LIPC: variants seen among roughly 807,000 people sequenced by gnomAD.
The protein encoded by LIPC is lipase C, hepatic type.
Under a neutral mutation model 50.7 loss-of-function variants are expected in LIPC, and 44 were observed. That is an observed-to-expected ratio of 0.87 (90% CI 0.68 to 1.11). LIPC has a LOEUF of 1.11. Among genes scored for constraint, LIPC ranks in the 50% most tolerant of loss-of-function variants. The probability of loss-of-function intolerance (pLI) is 0.00; values close to 1 mark genes in which losing one functional copy is unlikely to be tolerated. For missense variants in LIPC, 697 were observed against 648.2 expected (o/e 1.08, Z -0.82); for synonymous variants, 271 against 256.4 (o/e 1.06, Z -0.54).
At position 58,488,154 on chromosome 15, in the gene LIPC, C is replaced by A. The variant is rs902359567; in HGVS notation, c.89-50179C>A. Among the ~76,000 whole-genome samples the A allele has an allele frequency of 3.9e-5, 6 of 152,186 alleles. No homozygotes were observed. The East Asian group carries it at 1.2e-3, about 29-fold the overall frequency. ...GGCATGGTAGCAAACACCTGTAATC[C>A]CAGCTACTCAGGAGGCTGAGGCAGG... On this transcript the variant is annotated intron_variant, in intron 1 of 8. Transcript: ENST00000299022.
intron 6 of LIPC, among the ~76,000 whole-genome samples, chr15:58,557,627 C>T (rs1157605963): frequency 1.3e-5 from 2 of 152,010 alleles, no homozygotes; most frequent in Admixed American, 6.6e-5. Flanking sequence ...CCTCGTGATC[C>T]GCCCCCCTCA....
intron 1 of LIPC, among the ~76,000 whole-genome samples, chr15:58,497,068 T>C (rs1434135065): frequency 5.3e-5 from 8 of 152,232 alleles, no homozygotes; most frequent in African/African-American, 1.9e-4. Flanking sequence ...AACTGGTTCC[T>C]TGGAGGTGTC....
intron 1 of LIPC, among the ~76,000 whole-genome samples, chr15:58,487,083 A>C (rs1891402695): frequency 6.6e-6 from 1 of 152,220 alleles, no homozygotes; most frequent in African/African-American, 2.4e-5. Flanking sequence ...CCTGGTCCCT[A>C]AACTTAAGAA....
At chr15:58,449,608 A>G (rs942461748) in intron 1 of LIPC, among the ~76,000 whole-genome samples, 2 of 151,480 alleles carry the variant, frequency 1.3e-5, no homozygotes, top group African/African-American at 4.9e-5. Flanking sequence ...GCTGTGCAGT[A>G]GCACGATCCT....
At chr15:58,504,267 A>C (rs2140843683) in intron 1 of LIPC, among the ~76,000 whole-genome samples, 1 of 152,298 alleles carries the variant, frequency 6.6e-6, no homozygotes, top group Admixed American at 6.5e-5. Flanking sequence ...GAGCAGAGGA[A>C]AATAAACAGG....
intron 1 of LIPC, among the ~76,000 whole-genome samples, chr15:58,437,600 C>T (rs544549876): frequency 3.0e-4 from 46 of 152,206 alleles, no homozygotes; most frequent in South Asian, 2.9e-3. Flanking sequence ...AGACGACCCC[C>T]GGGAAAGGGA....
At chr15:58,509,227 G>C (rs4775062) in intron 1 of LIPC, among the ~76,000 whole-genome samples, 107,910 of 152,058 alleles carry the variant, frequency 0.71, 38,606 homozygotes, top group Middle Eastern at 0.79. Flanking sequence ...TCACCAGCTT[G>C]ATTCCTCCTC....
chr15:58,551,534 C>T (rs1893758627), intron 6 of LIPC, among the ~76,000 whole-genome samples: 2 of 152,156 alleles, frequency 1.3e-5, no homozygotes, highest in Admixed American at 1.3e-4. Flanking sequence ...TTTCCATCGC[C>T]GCGGAGAGTT....
intron 2 of LIPC, among the ~76,000 whole-genome samples, chr15:58,539,720 C>T (rs770146904): frequency 8.5e-5 from 13 of 152,262 alleles, no homozygotes; most frequent in South Asian, 2.1e-4. Context: ...TCCCACATGA[C>T]GTTCCAGCAA....
At chr15:58,437,267 G>A (rs1223824820) in intron 1 of LIPC, among the ~76,000 whole-genome samples, 5 of 152,112 alleles carry the variant, frequency 3.3e-5, no homozygotes, top group African/African-American at 1.2e-4. Flanking sequence ...GTGGGGAGCA[G>A]GTGTCATAAC....
intron 1 of LIPC, among the ~76,000 whole-genome samples, chr15:58,498,481 G>C (rs561474023): frequency 1.3e-5 from 2 of 151,728 alleles, no homozygotes; most frequent in Non-Finnish European, 2.9e-5. Flanking sequence ...TTATAAAGCA[G>C]ATATATATAT....
At chr15:58,483,183 C>T (rs960824059) in intron 1 of LIPC, among the ~76,000 whole-genome samples, 8 of 152,138 alleles carry the variant, frequency 5.3e-5, no homozygotes, top group African/African-American at 1.9e-4. Context: ...TCATTTTTAG[C>T]ATTACTGAAA....
Position 58,538,432 on chromosome 15 carries a change from A to C in LIPC, c.188A>C (p.Gln63Pro). 6.2e-7 allele frequency: 1 copy of C among 1,614,232 alleles called. No homozygotes were observed. Among genetic ancestry groups the C allele is most frequent in the South Asian group, 1.1e-5 (1 of 91,086 alleles). Residue 63 changes from glutamine (Q) to proline (P), a missense_variant, in exon 2 of 9, where the codon CAG becomes CCG. Coordinates refer to ENST00000299022, the MANE Select transcript of LIPC (RefSeq NM_000236.3). ...LLFGETNQGC[Q>P]IRINHPDTLQ... is the part of the protein sequence containing the mutation. ...TTTGGAGAAACCAATCAGGGCTGTC[A>C]GATTCGAATCAATCATCCGGACACG...
At chr15:58,539,048 C>T (rs1298560288) in intron 2 of LIPC, among the ~76,000 whole-genome samples, 1 of 152,212 alleles carries the variant, frequency 6.6e-6, no homozygotes, top group African/African-American at 2.4e-5. Flanking sequence ...GTCCTCCAGG[C>T]CCCAGCTCCT....
chr15:58,557,548 C>G (rs1893999697), intron 6 of LIPC, among the ~76,000 whole-genome samples: 2 of 152,022 alleles, frequency 1.3e-5, no homozygotes, highest in African/African-American at 4.8e-5. Flanking sequence ...CCACGCCCCG[C>G]TAATTTTTTG....
intron 8 of LIPC, 91 bp from the exon 9 acceptor site, chr15:58,568,625 A>G (rs767579710): frequency 1.0e-4 from 81 of 793,300 alleles, no homozygotes; most frequent in Non-Finnish European, 1.6e-4. Context: ...CATGCCTTAC[A>G]CAAATTGAGT....
At chr15:58,462,400 A>T (rs770969469) in intron 1 of LIPC, among the ~76,000 whole-genome samples, 1 of 152,194 alleles carries the variant, frequency 6.6e-6, no homozygotes, top group Non-Finnish European at 1.5e-5. Context: ...CTGTCCCCCT[A>T]AACAGTATTA....
chr15:58,476,907 G>T (rs1237793439), intron 1 of LIPC, among the ~76,000 whole-genome samples: 1 of 152,312 alleles, frequency 6.6e-6, no homozygotes, highest in East Asian at 1.9e-4. Flanking sequence ...CTGTCGGATT[G>T]CCCTGTACCC....
intron 8 of LIPC, 69 bp downstream of exon 8, chr15:58,563,792 T>TA: frequency 4.0e-6 from 5 of 1,239,790 alleles, no homozygotes; most frequent in Non-Finnish European, 5.8e-6. Flanking sequence ...TCTCACAATT[T>TA]AATACTCACA....
Sources: gnomAD v4.1 joint callset for allele counts (sites outside exome capture counted in the v4.1 genomes callset) on GRCh38, gnomAD v4.1.1 for gene constraint, MANE v1.5 for transcripts, NCBI Gene and HGNC (gene_info 2026-07-23, HGNC 2026-07-21) for gene names.